CCSER1: variants seen among roughly 807,000 people sequenced by gnomAD.
The protein encoded by CCSER1 is serine-rich coiled-coil domain-containing protein 1.
In CCSER1, 41 loss-of-function variants were observed where a neutral mutation model predicts 82.0. The ratio of observed to expected loss-of-function variants is 0.50; its 90% confidence interval spans 0.39 to 0.65. CCSER1 has a LOEUF of 0.65. Ranked by LOEUF, CCSER1 falls within the 30% of genes least tolerant of loss-of-function variation. The pLI is 0.00. For synonymous variants in CCSER1, 414 were observed against 383.9 expected (o/e 1.08, Z -0.92); for missense variants, 1,119 against 1,064.2 (o/e 1.05, Z -0.72).
intron 4 of CCSER1, among the ~76,000 whole-genome samples, chr4:90,413,863 G>A (rs1218405544): frequency 1.4e-5 from 2 of 144,718 alleles, no homozygotes; most frequent in South Asian, 4.4e-4. Context: ...GCAGGAGAAT[G>A]GCGTGAACCC....
chr4:90,344,128 A>G (rs1195862428), intron 3 of CCSER1, among the ~76,000 whole-genome samples: 2 of 152,160 alleles, frequency 1.3e-5, no homozygotes. Context: ...TAAATAAGTG[A>G]GAACATATGA....
intron 4 of CCSER1, among the ~76,000 whole-genome samples, chr4:90,450,776 A>G (rs557428138): frequency 1.4e-4 from 21 of 152,194 alleles, no homozygotes; most frequent in Admixed American, 3.9e-4. Context: ...TACCAGTGCT[A>G]AGTCCCCTGG....
rs180806569 is a variant in CCSER1, at chr4:91,141,300, C to T, written c.2217+55306C>T. Among the ~76,000 whole-genome samples, 8 of 152,110 alleles carry T rather than the reference C, an allele frequency of 5.3e-5. No homozygotes were observed. In the East Asian group the frequency reaches 9.7e-4, roughly 18 times the overall value. The stretch of plus-strand genomic sequence containing the variant: ...TCCTGAGTAGTTGGAATTACAGGCA[C>T]CTGCCACCACCTGACTAATTTTTGT... On this transcript the variant is annotated intron_variant, in intron 10 of 10. Transcript: ENST00000509176.
chr4:90,303,629 A>G (rs1476719738), intron 1 of CCSER1, among the ~76,000 whole-genome samples: 2 of 151,910 alleles, frequency 1.3e-5, no homozygotes, highest in African/African-American at 2.4e-5. Flanking sequence ...TCCCTTCCTT[A>G]CACCTTATAC....
intron 5 of CCSER1, among the ~76,000 whole-genome samples, chr4:90,581,336 A>G (rs1430595967): frequency 2.0e-5 from 3 of 152,178 alleles, no homozygotes; most frequent in Non-Finnish European, 2.9e-5. Flanking sequence ...CATGCAAGAA[A>G]AAAAGACTTT....
intron 1 of CCSER1, among the ~76,000 whole-genome samples, chr4:90,139,538 C>A (rs1238961950): frequency 2.6e-5 from 4 of 151,984 alleles, no homozygotes; most frequent in Non-Finnish European, 4.4e-5. Context: ...GTATTGCCAA[C>A]AGTAATGTTC....
intron 5 of CCSER1, among the ~76,000 whole-genome samples, chr4:90,470,519 T>A (rs1315756225): frequency 6.6e-6 from 1 of 151,338 alleles, no homozygotes; most frequent in East Asian, 1.9e-4. Flanking sequence ...TATTGGCTCA[T>A]GTAATTTATA....
intron 4 of CCSER1, among the ~76,000 whole-genome samples, chr4:90,434,031 G>C (rs28380502): frequency 0.018 from 2,681 of 151,796 alleles, 33 homozygotes; most frequent in African/African-American, 0.038. Flanking sequence ...TATATTATTC[G>C]AAGTTACAAC....
At chr4:91,521,763 G>A (rs893235283) in intron 10 of CCSER1, among the ~76,000 whole-genome samples, 2 of 152,120 alleles carry the variant, frequency 1.3e-5, no homozygotes, top group Admixed American at 6.5e-5. Context: ...TAAGTTCTTT[G>A]TAGATTCTGG....
chr4:91,084,602 A>G (rs576136264), intron 9 of CCSER1, among the ~76,000 whole-genome samples: 3 of 152,314 alleles, frequency 2.0e-5, no homozygotes, highest in South Asian at 2.1e-4. Context: ...TACTTTTAGC[A>G]TAAGCTTTAC....
intron 8 of CCSER1, among the ~76,000 whole-genome samples, chr4:90,897,893 G>T (rs1364944222): frequency 6.6e-6 from 1 of 151,944 alleles, no homozygotes; most frequent in Non-Finnish European, 1.5e-5. Context: ...TCATATGTTT[G>T]TTGGCAACTT....
chr4:90,621,580 C>G (rs1213193328), intron 5 of CCSER1, among the ~76,000 whole-genome samples: 1 of 150,214 alleles, frequency 6.7e-6, no homozygotes, highest in Non-Finnish European at 1.5e-5. Context: ...GATTAAAATT[C>G]TTGTCAGCTA....
At chr4:90,445,869 T>A (rs1375051093) in intron 4 of CCSER1, among the ~76,000 whole-genome samples, 3 of 152,196 alleles carry the variant, frequency 2.0e-5, no homozygotes, top group Non-Finnish European at 4.4e-5. Flanking sequence ...TATATCATTT[T>A]ATTTAACTCA....
At chr4:90,845,076 T>C (rs1419899527) in intron 8 of CCSER1, among the ~76,000 whole-genome samples, 1 of 152,110 alleles carries the variant, frequency 6.6e-6, no homozygotes, top group East Asian at 1.9e-4. Context: ...AAAGAATATT[T>C]GTTAGGCCGG....
rs534129256 is a variant in CCSER1, at chr4:90,364,888, C to T, written c.1510-35148C>T. On this transcript the variant is annotated intron_variant, in intron 3 of 10. Transcript: ENST00000509176. ...ATGAAACAAAAAATTATAAACTAAC[C>T]TATTTTTTTTTCATTAATCCATACA... is the stretch of plus-strand genomic sequence containing the variant. 2.0e-5 allele frequency among the ~76,000 whole-genome samples: 3 copies of T among 151,732 alleles called. No homozygotes were observed. In the South Asian group the frequency reaches 6.2e-4, roughly 31 times the overall value.
chr4:90,955,564 C>T lies in CCSER1; in HGVS notation c.2172+32117C>T, dbSNP rs556163195. Among the ~76,000 whole-genome samples the T allele has an allele frequency of 9.9e-5, 15 of 152,250 alleles. No individual in the cohort carries two copies. In the South Asian group the frequency reaches 1.0e-3, roughly 11 times the overall value. ...AGTATATTGGGGTAAACTGACAAAG[C>T]TGTGGCCAGAGGATTCTGCCTCAGG... On this transcript the variant is annotated intron_variant, in intron 9 of 10. Transcript: ENST00000509176.
At chr4:91,146,007 A>G (rs1729497414) in intron 10 of CCSER1, among the ~76,000 whole-genome samples, 1 of 152,124 alleles carries the variant, frequency 6.6e-6, no homozygotes, top group Non-Finnish European at 1.5e-5. Flanking sequence ...TCTCTAGAAA[A>G]TATGTTTTCC....
At chr4:91,021,569 T>G (rs1354015384) in intron 9 of CCSER1, among the ~76,000 whole-genome samples, 1 of 152,226 alleles carries the variant, frequency 6.6e-6, no homozygotes, top group African/African-American at 2.4e-5. Context: ...CAATTTTTAT[T>G]CAAAAACATT....
At chr4:91,045,619 C>T (rs967163912) in intron 9 of CCSER1, among the ~76,000 whole-genome samples, 2 of 152,104 alleles carry the variant, frequency 1.3e-5, no homozygotes, top group Non-Finnish European at 2.9e-5. Context: ...TTTGGTGTAT[C>T]TCTATTCCAT....
Sources: allele counts gnomAD v4.1 joint callset (sites outside exome capture counted in the v4.1 genomes callset), GRCh38; gene constraint gnomAD v4.1.1; transcripts MANE v1.5; gene names NCBI Gene and HGNC (gene_info 2026-07-23, HGNC 2026-07-21).